The following CPD variants were observed in gnomAD, a reference collection of about 807,000 sequenced individuals.
CPD encodes metallocarboxypeptidase D.
A neutral mutation model predicts 138.3 loss-of-function variants in CPD; 69 were observed. The observed-to-expected ratio is 0.50, with a 90% confidence interval of 0.41 to 0.61. The LOEUF is 0.61. Ranked by LOEUF, CPD falls within the 20% of genes least tolerant of loss-of-function variation. CPD has a pLI of 0.00. For synonymous variants in CPD, 651 were observed against 642.1 expected, an observed-to-expected ratio of 1.01 and a Z score of -0.21; for missense variants, 1,432 against 1,733.3, an observed-to-expected ratio of 0.83 and a Z score of 3.09.
chr17:30,439,453 A>T (rs1912797587), intron 9 of CPD, among the ~76,000 whole-genome samples: 1 of 125,232 alleles, frequency 8.0e-6, no homozygotes, highest in Non-Finnish European at 1.6e-5. Flanking sequence ...ACATGTGCAC[A>T]TTGTGCAGGT....
intron 6 of CPD, 71 bp from the exon 7 acceptor site, chr17:30,427,320 A>G: frequency 7.1e-7 from 1 of 1,402,378 alleles, no homozygotes; most frequent in South Asian, 1.2e-5. Context: ...TAAGGTATCT[A>G]AAGTAGTACG....
At chr17:30,408,138 G>A (rs1479095854) in intron 2 of CPD, among the ~76,000 whole-genome samples, 1 of 152,106 alleles carries the variant, frequency 6.6e-6, no homozygotes, top group Non-Finnish European at 1.5e-5. Context: ...GATGTGTGGT[G>A]TTATTTCTAA....
chr17:30,469,334 T>C lies in CPD; in HGVS notation c.*4520T>C, dbSNP rs1192901620. 6.6e-6 allele frequency: 1 copy of C among 152,260 alleles called. No individual in the cohort carries two copies. Among genetic ancestry groups the C allele is most frequent in the African/African-American group, 2.4e-5 (1 of 41,468 alleles). The allele number at this position is 152,260 out of a possible 1,614,324, so 9.4% of individuals were successfully genotyped here. The stretch of plus-strand genomic sequence containing the variant: ...TGGAGTTGGACCAATCTGTGACTGA[T>C]TCTTCGTTCTGCTACTTGCTTCCAA... On this transcript the variant is annotated 3_prime_UTR_variant, in exon 21 of 21. Coordinates refer to ENST00000225719, the MANE Select transcript of CPD (RefSeq NM_001304.5).
At chr17:30,433,294 A>G (rs1054974655) in intron 8 of CPD, among the ~76,000 whole-genome samples, 3 of 152,170 alleles carry the variant, frequency 2.0e-5, no homozygotes, top group Non-Finnish European at 4.4e-5. Flanking sequence ...TCAAAATAAA[A>G]ATTAAATGGC....
chr17:30,401,450 T>C (rs1194208270), intron 2 of CPD, among the ~76,000 whole-genome samples: 1 of 151,442 alleles, frequency 6.6e-6, no homozygotes, highest in Non-Finnish European at 1.5e-5. Flanking sequence ...CCTCATCTTC[T>C]TCTTCTTCTT....
intron 8 of CPD, among the ~76,000 whole-genome samples, chr17:30,436,181 C>T (rs1567878272): frequency 6.6e-6 from 1 of 152,050 alleles, no homozygotes; most frequent in Admixed American, 6.6e-5. Flanking sequence ...GGCTTGGTGA[C>T]ACGTGCCTGT....
intron 2 of CPD, among the ~76,000 whole-genome samples, chr17:30,418,715 T>C (rs1912184549): frequency 6.6e-6 from 1 of 152,178 alleles, no homozygotes; most frequent in African/African-American, 2.4e-5. Context: ...CCTCCTCTGA[T>C]TGGAAACAAA....
At position 30,459,120 on chromosome 17, in the gene CPD, A is replaced by G. The variant is rs958075640; in HGVS notation, c.3499-2060A>G. On this transcript the variant is annotated intron_variant, in intron 17 of 20. Coordinates refer to ENST00000225719, the MANE Select transcript of CPD (RefSeq NM_001304.5). ...ACTCTCAATTCTATTCCATTGGTCT[A>G]TATGTTTGCCTTTATGCCAGTATCA... is the stretch of plus-strand genomic sequence containing the variant. Among the ~76,000 whole-genome samples, 10 of 79,470 alleles carry G rather than the reference A, an allele frequency of 1.3e-4. No homozygotes were observed. In the East Asian group the frequency reaches 2.6e-3, roughly 20 times the overall value. The allele number at this position is 79,470 out of a possible 152,430, so 52.1% of individuals were successfully genotyped here.
intron 2 of CPD, among the ~76,000 whole-genome samples, chr17:30,414,103 A>C (rs1912041087): frequency 6.6e-6 from 1 of 152,252 alleles, no homozygotes; most frequent in African/African-American, 2.4e-5. Context: ...ATCAAATCAT[A>C]CAGGGCCTTA....
At chr17:30,460,651 G>C (rs1249124272) in intron 17 of CPD, among the ~76,000 whole-genome samples, 3 of 152,214 alleles carry the variant, frequency 2.0e-5, no homozygotes, top group African/African-American at 7.2e-5. Context: ...GGAAAAAGAA[G>C]AGATTTTGGG....
At chr17:30,459,582 C>T (rs374461093) in intron 17 of CPD, among the ~76,000 whole-genome samples, 6 of 152,132 alleles carry the variant, frequency 3.9e-5, no homozygotes, top group Non-Finnish European at 8.8e-5. Flanking sequence ...AAAATTGGAA[C>T]GTGTGAGTCT....
Position 30,379,714 on chromosome 17 carries a change from T to A in CPD, c.734T>A (p.Ile245Asn). The change falls in exon 1 of 21, where the codon ATC becomes AAC. Residue 245 changes from isoleucine to asparagine, a missense_variant. Ile to Asn is a moderately radical substitution (Grantham distance 149). Coordinates refer to ENST00000225719, the MANE Select transcript of CPD (RefSeq NM_001304.5). This position sits in a 1 kb window ranked among gnomAD's most constrained non-coding sequence, Gnocchi z 7.0. ...VPEVRALIEW[I>N]RRNKFVLSGN... The stretch of plus-strand genomic sequence containing the variant: ...GAGGTGCGCGCCCTCATCGAGTGGA[T>A]CCGCAGGAACAAGTGAGTGTTGCCT... 1.3e-6 allele frequency: 2 copies of A among 1,496,256 alleles called. No individual in the cohort carries two copies. The highest frequency in any genetic ancestry group is 1.8e-6 in the Non-Finnish European group (2 of 1,141,258). The allele number at this position is 1,496,256 out of a possible 1,614,324, so 92.7% of individuals were successfully genotyped here.
intron 2 of CPD, among the ~76,000 whole-genome samples, chr17:30,388,323 C>T (rs931509745): frequency 6.6e-6 from 1 of 152,180 alleles, no homozygotes; most frequent in African/African-American, 2.4e-5. Flanking sequence ...GGGACCCCCT[C>T]CCTTATACCC....
intron 1 of CPD, chr17:30,380,507 T>TTC: frequency 7.4e-7 from 1 of 1,360,292 alleles, no homozygotes. Context: ...CTGGGCAGAA[T>TTC]GGCTAATGGT....
chr17:30,444,042 T>C (rs1912953200), intron 11 of CPD, 71 bp downstream of exon 11: 2 of 1,517,490 alleles, frequency 1.3e-6, no homozygotes, highest in African/African-American at 1.4e-5. Context: ...GGATTATTAC[T>C]AGAACGTTCT....
intron 2 of CPD, among the ~76,000 whole-genome samples, chr17:30,389,760 A>G (rs1911299150): frequency 1.3e-5 from 2 of 152,232 alleles, no homozygotes; most frequent in South Asian, 2.1e-4. Context: ...AAGAAGCTAC[A>G]TTATGCTGCT....
At chr17:30,390,687 G>A (rs563973241) in intron 2 of CPD, among the ~76,000 whole-genome samples, 1 of 152,188 alleles carries the variant, frequency 6.6e-6, no homozygotes, top group Non-Finnish European at 1.5e-5. Flanking sequence ...CTATGTGGGT[G>A]AGCCTTGCTT....
intron 1 of CPD, among the ~76,000 whole-genome samples, chr17:30,382,832 C>G (rs1911082889): frequency 6.6e-6 from 1 of 151,838 alleles, no homozygotes; most frequent in Non-Finnish European, 1.5e-5. Context: ...ATATGAATGC[C>G]CAGAGGGTAT....
chr17:30,397,511 T>C (rs2143338949), intron 2 of CPD, among the ~76,000 whole-genome samples: 1 of 152,044 alleles, frequency 6.6e-6, no homozygotes, highest in Middle Eastern at 3.4e-3. Flanking sequence ...TGCAGAAGGA[T>C]TAGTTGAGCT....
Sources: allele counts gnomAD v4.1 joint callset (sites outside exome capture counted in the v4.1 genomes callset), GRCh38; gene constraint gnomAD v4.1.1; non-coding constraint Gnocchi (gnomAD v3.1); transcripts MANE v1.5; gene names NCBI Gene and HGNC (gene_info 2026-07-23, HGNC 2026-07-21).